GPAM: variants seen among roughly 807,000 people sequenced by gnomAD.
GPAM encodes glycerol-3-phosphate acyltransferase, mitochondrial.
A neutral mutation model predicts 105.0 loss-of-function variants in GPAM; 56 were observed. The observed-to-expected ratio is 0.53, with a 90% confidence interval of 0.43 to 0.67. The LOEUF is 0.67. Ranked by LOEUF, GPAM falls within the 30% of genes least tolerant of loss-of-function variation. The pLI, the probability that GPAM is intolerant of heterozygous loss-of-function variation, is 0.00. For missense variants in GPAM, 855 were observed against 989.8 expected (o/e 0.86, Z 1.83); for synonymous variants, 368 against 354.4 (o/e 1.04, Z -0.43).
chr10:112,192,698 C>A (rs1847676225), intron 1 of GPAM, among the ~76,000 whole-genome samples: 1 of 152,178 alleles, frequency 6.6e-6, no homozygotes, highest in Admixed American at 6.5e-5. Context: ...CACAGGCCGA[C>A]CAGGTCTTTT....
At chr10:112,225,671 T>A in the GPAM span, among the ~76,000 whole-genome samples, 30,268 of 151,948 alleles carry the variant, frequency 0.2, 3,209 homozygotes, top group East Asian at 0.35. Flanking sequence ...CCATATAAAA[T>A]GTCAGCTTCC....
chr10:112,227,093 C>T, the GPAM span, among the ~76,000 whole-genome samples: 1 of 152,196 alleles, frequency 6.6e-6, no homozygotes, highest in Admixed American at 6.5e-5. Context: ...GCATGCCACT[C>T]TCGTTCTCTA....
intron 7 of GPAM, among the ~76,000 whole-genome samples, 185 bp from the exon 8 acceptor site, chr10:112,173,251 TTA>T (rs34043766): frequency 1.4e-5 from 1 of 71,666 alleles, no homozygotes; most frequent in Admixed American, 1.3e-4. Flanking sequence ...AGAGCTAATT[TTA>T]TATATATATA....
intron 1 of GPAM, among the ~76,000 whole-genome samples, chr10:112,201,182 C>T (rs1320759837): frequency 6.6e-6 from 1 of 152,102 alleles, no homozygotes. Flanking sequence ...GGAGAAGAAC[C>T]CAAGTAGGGT....
At chr10:112,212,783 T>C (rs1288333937) in intron 1 of GPAM, among the ~76,000 whole-genome samples, 1 of 152,204 alleles carries the variant, frequency 6.6e-6, no homozygotes, top group Admixed American at 6.5e-5. Context: ...GTAATCCCTC[T>C]ACCTCATAAG....
At chr10:112,155,830 A>G in intron 20 of GPAM, 34 bp downstream of exon 20, 1 of 1,370,154 alleles carries the variant, frequency 7.3e-7, no homozygotes, top group African/African-American at 1.5e-5. Context: ...AAAAAAAAAA[A>G]GATTTTAAAA....
rs1246929740 is a variant in GPAM at position 112,200,242 on chromosome 10, TATAG to T, written n.210+14922_210+14925del. 4.3e-3 allele frequency among the ~76,000 whole-genome samples: 549 copies of T among 126,938 alleles called. 9 individuals are homozygous for T. The highest frequency in any genetic ancestry group is 0.038 in the East Asian group (154 of 4,058). 83.3% of individuals were successfully genotyped at this position (126,938 alleles called of 152,430 possible). On this transcript the variant is annotated intron_variant and non_coding_transcript_variant, in intron 1 of 3. Coordinates refer to the GPAM transcript ENST00000480130. Reference sequence around the variant, plus strand: ...CACACTATATGTATATATATATATATATAGAGAGAGAGAGAGAGAGAGAGAGAAT... The same window carrying T: ...CACACTATATGTATATATATATATATAGAGAGAGAGAGAGAGAGAGAGAAT...
At chr10:112,165,716 A>G (rs566465811) in intron 12 of GPAM, among the ~76,000 whole-genome samples, 22 of 152,158 alleles carry the variant, frequency 1.4e-4, no homozygotes, top group Non-Finnish European at 2.2e-4. Context: ...CCCAGCTTTT[A>G]GGGGAGGTGT....
At position 112,150,107 on chromosome 10, in the gene GPAM, G is replaced by C; in HGVS notation, c.*3443C>G. ...TCTAGACGTTTAGAAATAAGGTCAA[G>C]AATCTCTTTCAAATGCAATCATTAG... On this transcript the variant is annotated 3_prime_UTR_variant, in exon 22 of 22. Transcript: ENST00000348367. 1 of 983,794 alleles carries C rather than the reference G, an allele frequency of 1.0e-6. No individual in the cohort carries two copies. The highest frequency in any genetic ancestry group is 5.2e-4 in the Middle Eastern group (1 of 1,910). The allele number at this position is 983,794 out of a possible 1,614,324, so 60.9% of individuals were successfully genotyped here. A position where few individuals can be genotyped will look rare whatever the true frequency, so the allele number is the denominator to read the frequency against.
intron 1 of GPAM, among the ~76,000 whole-genome samples, chr10:112,206,439 A>G (rs1847851153): frequency 1.3e-5 from 1 of 75,556 alleles, no homozygotes; most frequent in South Asian, 7.0e-4. Context: ...ACAATGATAG[A>G]CTGGATTAAG....
At chr10:112,157,741 G>A (rs911803146) in intron 18 of GPAM, among the ~76,000 whole-genome samples, 2 of 152,232 alleles carry the variant, frequency 1.3e-5, no homozygotes, top group African/African-American at 4.8e-5. Context: ...CAAGCTGCAA[G>A]CATACTGATA....
In GPAM at chr10:112,161,671, C is replaced by T. The variant is rs760395387; in HGVS notation, c.1490G>A (p.Arg497Lys). The T allele has an allele frequency of 6.2e-7, 1 of 1,611,408 alleles. No individual in the cohort carries two copies. Residue 497 changes from arginine (R) to lysine (K), a missense_variant, in exon 15 of 22, where the codon AGG (arginine) becomes AAG (lysine). Physicochemically the swap from Arg to Lys is conservative, Grantham distance 26 (BLOSUM62 2). Transcript: ENST00000348367. ...IVACLLLYRHRQGIDLSTLVE... is the reference protein window; with the variant it reads ...IVACLLLYRHKQGIDLSTLVE... The stretch of plus-strand genomic sequence containing the variant: ...CAGGTGACATTGCAGACATACCTGC[C>T]TGTGTCTGTAGAGGAGCAGGCAAGC...
At chr10:112,191,777 A>G (rs868158745) in intron 1 of GPAM, among the ~76,000 whole-genome samples, 2 of 152,158 alleles carry the variant, frequency 1.3e-5, no homozygotes, top group African/African-American at 4.8e-5. Flanking sequence ...ATTGTCCAAG[A>G]AAAGAGTGGA....
rs1270829907 is a variant in GPAM, at chr10:112,176,036, T to G, written c.300-323A>C. On this transcript the variant is annotated intron_variant, in intron 5 of 21. Coordinates refer to ENST00000348367, the MANE Select transcript of GPAM (RefSeq NM_001244949.2). ...CCATTAAAAAGGCAAAAATGTTTAATGCTATATATAAGCTATATCTATTCT... is the reference window on the plus strand; with the variant it reads ...CCATTAAAAAGGCAAAAATGTTTAAGGCTATATATAAGCTATATCTATTCT... Among the ~76,000 whole-genome samples the G allele has an allele frequency of 3.3e-5, 5 of 152,244 alleles. No homozygotes were observed. The East Asian group carries it at 9.6e-4, about 29-fold the overall frequency.
At chr10:112,211,962 C>T (rs1010986397) in intron 1 of GPAM, among the ~76,000 whole-genome samples, 25 of 152,116 alleles carry the variant, frequency 1.6e-4, no homozygotes, top group African/African-American at 5.8e-4. Context: ...TGTTCTAGAA[C>T]CAGATGCTCC....
chr10:112,173,073 C>A lies in GPAM; in HGVS notation c.561-7G>T, dbSNP rs1361678658. The A allele has an allele frequency of 6.6e-7, 1 of 1,515,124 alleles. No homozygotes were observed. The highest frequency in any genetic ancestry group is 1.7e-5 in the Admixed American group (1 of 59,888). 93.9% of individuals were successfully genotyped at this position (1,515,124 alleles called of 1,614,324 possible). On this transcript the variant is annotated splice_region_variant and splice_polypyrimidine_tract_variant and intron_variant, in intron 7 of 21. Transcript: ENST00000348367. Reference sequence around the variant, plus strand: ...CAGCACCCACCCAGTCAGTCTGAAACAAAGTACAAACAAAAAAAACAACAT... The same window carrying A: ...CAGCACCCACCCAGTCAGTCTGAAAAAAAGTACAAACAAAAAAAACAACAT...
chr10:112,160,539 C>G, intron 16 of GPAM, 65 bp downstream of exon 16: 1 of 1,455,546 alleles, frequency 6.9e-7, no homozygotes, highest in East Asian at 2.3e-5. Context: ...GCAGATACCA[C>G]TATGTGTTTT....
rs1198988925 is a variant in GPAM, at chr10:112,154,631, C to T, written c.2368G>A (p.Gly790Arg). ...TACCATAAATGGTGGACACCTACCC[C>T]AATATCCTTAAACATTTTCACAGCA... ...KNAVKMFKDI[G>R]VFKETKQKRV... Residue 790 changes from glycine (G) to arginine (R), a missense_variant and splice_region_variant, in exon 21 of 22, where the codon GGG (glycine) becomes AGG (arginine). Coordinates refer to ENST00000348367, the MANE Select transcript of GPAM (RefSeq NM_001244949.2). The T allele has an allele frequency of 6.3e-7, 1 of 1,593,054 alleles. No homozygotes were observed. The highest frequency in any genetic ancestry group is 8.6e-7 in the Non-Finnish European group (1 of 1,160,844).
intron 1 of GPAM, among the ~76,000 whole-genome samples, chr10:112,211,430 T>C (rs1220207419): frequency 6.6e-6 from 1 of 152,158 alleles, no homozygotes; most frequent in Non-Finnish European, 1.5e-5. Flanking sequence ...GAGGTGCAGG[T>C]CCATGGCCAG....
Sources: gnomAD v4.1 joint callset for allele counts (sites outside exome capture counted in the v4.1 genomes callset) on GRCh38, gnomAD v4.1.1 for gene constraint, MANE v1.5 for transcripts, NCBI Gene and HGNC (gene_info 2026-07-23, HGNC 2026-07-21) for gene names.